Variants in GNG12 observed in about 807,000 individuals in gnomAD.
GNG12 encodes G protein subunit gamma 12, also known as guanine nucleotide-binding protein G(I)/G(S)/G(O) subunit gamma-12.
For synonymous variants in GNG12, 28 were observed against 29.7 expected (o/e 0.94, Z 0.19); for missense variants, 69 against 83.8 (o/e 0.82, Z 0.69).
intron 2 of GNG12, among the ~76,000 whole-genome samples, chr1:67,741,696 A>G (rs1394880817): frequency 1.3e-5 from 2 of 152,236 alleles, no homozygotes; most frequent in South Asian, 2.1e-4. Context: ...AAGCTCTAGA[A>G]TTGGATCAAG....
At chr1:67,754,228 A>G (rs1028635853) in intron 2 of GNG12, among the ~76,000 whole-genome samples, 1 of 151,802 alleles carries the variant, frequency 6.6e-6, no homozygotes, top group Non-Finnish European at 1.5e-5. Flanking sequence ...ACTGCCGGTC[A>G]CCTCTTCAGC....
At chr1:67,724,720 GC>G (rs1646376745) in intron 2 of GNG12, among the ~76,000 whole-genome samples, 1 of 152,140 alleles carries the variant, frequency 6.6e-6, no homozygotes, top group Non-Finnish European at 1.5e-5. Context: ...TCAGGAACAG[GC>G]AAAATGCATC....
chr1:67,800,641 C>T (rs1009858751), intron 1 of GNG12, among the ~76,000 whole-genome samples: 2 of 152,114 alleles, frequency 1.3e-5, no homozygotes, highest in Non-Finnish European at 2.9e-5. Context: ...AATTATGAGA[C>T]TTAATTTTTA....
At chr1:67,747,750 T>C (rs1646515479) in intron 2 of GNG12, among the ~76,000 whole-genome samples, 1 of 152,232 alleles carries the variant, frequency 6.6e-6, no homozygotes, top group Non-Finnish European at 1.5e-5. Context: ...TCTCTAAAGA[T>C]TTGAACTTGT....
intron 1 of GNG12, among the ~76,000 whole-genome samples, chr1:67,831,221 C>A (rs1647042561): frequency 6.6e-6 from 1 of 152,172 alleles, no homozygotes; most frequent in African/African-American, 2.4e-5. Flanking sequence ...CAATAAATCA[C>A]ATAATTCTAA....
At chr1:67,777,589 C>T (rs971611629) in intron 1 of GNG12, 82 bp from the exon 2 acceptor site, 16 of 191,326 alleles carry the variant, frequency 8.4e-5, no homozygotes, top group Non-Finnish European at 1.5e-4. Flanking sequence ...ACTGCCATAA[C>T]GTTGAGCATT....
chr1:67,705,422 A>T lies in GNG12; in HGVS notation c.*29T>A, dbSNP rs573708614. The T allele has an allele frequency of 2.7e-5, 44 of 1,609,490 alleles. No homozygotes were observed. The Middle Eastern group carries it at 8.3e-4, about 30-fold the overall frequency. On this transcript the variant is annotated 3_prime_UTR_variant, in exon 4 of 4. Transcript: ENST00000370982. ...GCTGCTCATAATTTGCGTTGTTGGG[A>T]AGAGGCGAGGAGCTGTTTCTCTATT...
intron 2 of GNG12, among the ~76,000 whole-genome samples, chr1:67,762,378 A>C (rs1043765894): frequency 6.6e-6 from 1 of 152,166 alleles, no homozygotes; most frequent in African/African-American, 2.4e-5. Context: ...GCTGATTCCC[A>C]AAGAGCTGGA....
chr1:67,829,231 CTG>C, intron 1 of GNG12, among the ~76,000 whole-genome samples: 1 of 152,178 alleles, frequency 6.6e-6, no homozygotes, highest in East Asian at 1.9e-4. Context: ...CACAATGTAA[CTG>C]TGCATACTGC....
At chr1:67,768,964 T>C (rs955930595) in intron 2 of GNG12, among the ~76,000 whole-genome samples, 17 of 152,154 alleles carry the variant, frequency 1.1e-4, no homozygotes, top group African/African-American at 4.1e-4. Context: ...GTCTCTAATA[T>C]CACCTCATAT....
chr1:67,762,360 G>A (rs996681037), intron 2 of GNG12, among the ~76,000 whole-genome samples: 5 of 152,164 alleles, frequency 3.3e-5, no homozygotes, highest in African/African-American at 1.2e-4. Context: ...CCTCTGGATT[G>A]AGGAGGTGCT....
At position 67,735,950 on chromosome 1, in the gene GNG12, C is replaced by T. The variant is rs977616026; in HGVS notation, c.-26-28238G>A. On this transcript the variant is annotated intron_variant, in intron 2 of 3. Coordinates refer to ENST00000370982, the MANE Select transcript of GNG12 (RefSeq NM_018841.6). ...TGAAAGACAGGGCTGATTTCCTGGG[C>T]GCTAAACCAAGTGGAGGAGTTCTCA... is the stretch of plus-strand genomic sequence containing the variant. 3.9e-5 allele frequency among the ~76,000 whole-genome samples: 6 copies of T among 152,088 alleles called. No homozygotes were observed. In the South Asian group the frequency reaches 6.2e-4, roughly 16 times the overall value.
chr1:67,746,764 G>T (rs1646509922), intron 2 of GNG12, among the ~76,000 whole-genome samples: 1 of 152,230 alleles, frequency 6.6e-6, no homozygotes, highest in Non-Finnish European at 1.5e-5. Context: ...CAAGGAGGTT[G>T]CCATTTTATT....
At chr1:67,816,460 A>C (rs1646954241) in intron 1 of GNG12, among the ~76,000 whole-genome samples, 1 of 152,196 alleles carries the variant, frequency 6.6e-6, no homozygotes, top group African/African-American at 2.4e-5. Context: ...CCCTGCCTTC[A>C]TCTGGACTCC....
intron 2 of GNG12, among the ~76,000 whole-genome samples, chr1:67,764,331 C>T (rs1030927296): frequency 6.6e-6 from 1 of 152,120 alleles, no homozygotes; most frequent in African/African-American, 2.4e-5. Flanking sequence ...TGGCATTTAC[C>T]ATAAAATTCT....
At chr1:67,789,594 C>T (rs974738390) in intron 1 of GNG12, among the ~76,000 whole-genome samples, 3 of 152,190 alleles carry the variant, frequency 2.0e-5, no homozygotes, top group African/African-American at 7.2e-5. Flanking sequence ...AAAGCTATTA[C>T]TCTTTTTGCC....
chr1:67,778,921 T>G (rs996291816), intron 1 of GNG12, among the ~76,000 whole-genome samples: 1 of 152,138 alleles, frequency 6.6e-6, no homozygotes, highest in Non-Finnish European at 1.5e-5. Context: ...CACCAGCAAA[T>G]TAAATTTAAA....
chr1:67,728,000 C>T (rs938018329), intron 2 of GNG12, among the ~76,000 whole-genome samples: 1 of 152,130 alleles, frequency 6.6e-6, no homozygotes, highest in Non-Finnish European at 1.5e-5. Context: ...ATTCCCTGGA[C>T]CTTAAACAGA....
Position 67,775,244 on chromosome 1 carries a change from G to A in GNG12, c.-27+2214C>T, listed in dbSNP as rs114786761. ...TAAACATTCTTCTCATTTTATAGAT[G>A]GGCAAACTGAGGCTCAGGAAGACTG... On this transcript the variant is annotated intron_variant, in intron 2 of 3. Coordinates refer to ENST00000370982, the MANE Select transcript of GNG12 (RefSeq NM_018841.6). 8.1e-3 allele frequency among the ~76,000 whole-genome samples: 1,232 copies of A among 152,238 alleles called. 12 individuals are homozygous for A. Among genetic ancestry groups the A allele is most frequent in the Non-Finnish European group, 0.013 (863 of 68,026 alleles).
Sources: gnomAD v4.1 joint callset for allele counts (sites outside exome capture counted in the v4.1 genomes callset) on GRCh38, gnomAD v4.1.1 for gene constraint, MANE v1.5 for transcripts, NCBI Gene and HGNC (gene_info 2026-07-23, HGNC 2026-07-21) for gene names.